Variants in SLC8A1 observed in about 807,000 individuals in gnomAD.
The protein encoded by SLC8A1 is solute carrier family 8 member A1, also known as sodium/calcium exchanger 1.
A neutral mutation model predicts 68.3 loss-of-function variants in SLC8A1; 18 were observed. The observed-to-expected ratio is 0.26, with a 90% CI of 0.18 to 0.39. SLC8A1 has a LOEUF of 0.39. Among genes scored for constraint, SLC8A1 ranks in the 10% least tolerant of loss-of-function variants. The pLI is 1.00. For missense variants in SLC8A1, 985 were observed against 1,156.7 expected (o/e 0.85, Z 2.15); for synonymous variants, 475 against 415.5 (o/e 1.14, Z -1.74).
At chr2:40,106,740 C>A (rs978802645) in exon 8 of SLC8A1, 2 of 152,150 alleles carry the variant, frequency 1.3e-5, no homozygotes, top group African/African-American at 4.8e-5. Context: ...ATGATGTTAT[C>A]CTTTGCTTAG....
At chr2:40,491,360 C>A (rs1247228767) in intron 1 of SLC8A1, among the ~76,000 whole-genome samples, 1 of 152,056 alleles carries the variant, frequency 6.6e-6, no homozygotes, top group Non-Finnish European at 1.5e-5. Context: ...GCTGAAGTTG[C>A]TTATCAGCTT....
intron 1 of SLC8A1, chr2:40,512,205 T>C (rs1166814810): frequency 6.6e-6 from 1 of 150,816 alleles, no homozygotes; most frequent in Non-Finnish European, 1.5e-5. Context: ...TCTTAGTCAC[T>C]AGCTCCAACC....
At chr2:40,099,622 A>C (rs1418703578) in exon 8 of SLC8A1, 1 of 152,006 alleles carries the variant, frequency 6.6e-6, no homozygotes, top group Admixed American at 6.6e-5. Flanking sequence ...TGAATAGGCT[A>C]TTCTTCCCTT....
intron 1 of SLC8A1, among the ~76,000 whole-genome samples, chr2:40,474,846 C>T (rs1704185949): frequency 1.3e-5 from 2 of 152,078 alleles, no homozygotes; most frequent in Admixed American, 1.3e-4. Flanking sequence ...GTTTGTAAGG[C>T]TTTATTTAAC....
At chr2:40,316,478 T>C (rs77113947) in intron 2 of SLC8A1, among the ~76,000 whole-genome samples, 2,596 of 152,112 alleles carry the variant, frequency 0.017, 84 homozygotes, top group African/African-American at 0.06. Flanking sequence ...AAGTTTGGTA[T>C]TAAAAAGTCC....
Position 40,239,244 on chromosome 2 carries a change from A to C in SLC8A1, c.1809-61389T>G, listed in dbSNP as rs142292217. 1.6e-3 allele frequency among the ~76,000 whole-genome samples: 250 copies of C among 152,294 alleles called. 1 individual carries two copies. The highest frequency in any genetic ancestry group is 5.8e-3 in the African/African-American group (240 of 41,568). ...CACAGTACCCCAATTCTAGCTTTTT[A>C]GTGTCTATCTTTAATATTGCCCAAT... On this transcript the variant is annotated intron_variant, in intron 2 of 7. Transcript: ENST00000406785.
intron 1 of SLC8A1, among the ~76,000 whole-genome samples, chr2:40,510,069 G>A (rs1174604222): frequency 6.6e-6 from 1 of 151,982 alleles, no homozygotes; most frequent in Non-Finnish European, 1.5e-5. Flanking sequence ...CTCATGGTCT[G>A]CCCTCCTCAG....
At chr2:40,226,111 T>G (rs1240953778) in intron 2 of SLC8A1, among the ~76,000 whole-genome samples, 1 of 152,146 alleles carries the variant, frequency 6.6e-6, no homozygotes, top group Non-Finnish European at 1.5e-5. Flanking sequence ...ACAGTTGGTT[T>G]TATTGCTTTT....
intron 1 of SLC8A1, among the ~76,000 whole-genome samples, chr2:40,499,149 G>C (rs1045061452): frequency 6.6e-6 from 1 of 151,880 alleles, no homozygotes; most frequent in East Asian, 1.9e-4. Flanking sequence ...ATATATAATC[G>C]TAAGGACTGG....
intron 2 of SLC8A1, among the ~76,000 whole-genome samples, chr2:40,333,777 C>T (rs963628212): frequency 1.3e-5 from 2 of 152,226 alleles, no homozygotes; most frequent in Middle Eastern, 3.4e-3. Context: ...GGGCTGGGCG[C>T]AGTAGCTCAC....
At chr2:40,447,566 G>T (rs1303053795) in intron 1 of SLC8A1, among the ~76,000 whole-genome samples, 3 of 139,934 alleles carry the variant, frequency 2.1e-5, no homozygotes, top group Non-Finnish European at 4.5e-5. Flanking sequence ...TCTGCCAGTT[G>T]ACCTGATAAA....
chr2:40,468,732 C>A (rs71439301), intron 1 of SLC8A1, among the ~76,000 whole-genome samples: 8,061 of 152,070 alleles, frequency 0.053, 482 homozygotes, highest in African/African-American at 0.13. Flanking sequence ...CTGGTGCTCA[C>A]TTTTGTTGCA....
At chr2:40,499,323 T>G (rs1474334568) in intron 1 of SLC8A1, among the ~76,000 whole-genome samples, 2 of 152,100 alleles carry the variant, frequency 1.3e-5, no homozygotes, top group Admixed American at 6.6e-5. Context: ...CATTTTTCTG[T>G]CTCATTTTCC....
chr2:40,422,745 G>A (rs1695859073), intron 2 of SLC8A1, among the ~76,000 whole-genome samples: 1 of 152,030 alleles, frequency 6.6e-6, no homozygotes, highest in African/African-American at 2.4e-5. Flanking sequence ...GAAAAATAAA[G>A]TACTAACAAT....
At chr2:40,483,938 C>G (rs1458992498) in intron 1 of SLC8A1, among the ~76,000 whole-genome samples, 1 of 152,188 alleles carries the variant, frequency 6.6e-6, no homozygotes, top group Admixed American at 6.5e-5. Flanking sequence ...AGAACACTAT[C>G]TAGTTTAGAA....
chr2:40,302,978 G>C (rs577362016), intron 2 of SLC8A1, among the ~76,000 whole-genome samples: 66 of 152,176 alleles, frequency 4.3e-4, no homozygotes, highest in Admixed American at 1.3e-3. Flanking sequence ...AGCAAGCCCT[G>C]GGAGCCCATG....
At chr2:40,129,693 T>C (rs1558462031) in intron 7 of SLC8A1, among the ~76,000 whole-genome samples, 1 of 152,094 alleles carries the variant, frequency 6.6e-6, no homozygotes, top group South Asian at 2.1e-4. Flanking sequence ...AAAGGGAAAT[T>C]TACACTCATT....
At chr2:40,300,863 T>C (rs1470471716) in intron 2 of SLC8A1, among the ~76,000 whole-genome samples, 1 of 152,194 alleles carries the variant, frequency 6.6e-6, no homozygotes, top group Non-Finnish European at 1.5e-5. Context: ...ACCAAATATG[T>C]AGAGCAAAGA....
At chr2:40,166,238 T>C (rs1428695574) in intron 4 of SLC8A1, among the ~76,000 whole-genome samples, 1 of 152,172 alleles carries the variant, frequency 6.6e-6, no homozygotes, top group East Asian at 1.9e-4. Context: ...TTGGCAGCTG[T>C]TGCAGGGAAT....
Sources: allele counts gnomAD v4.1 joint callset (sites outside exome capture counted in the v4.1 genomes callset), GRCh38; gene constraint gnomAD v4.1.1; transcripts MANE v1.5; gene names NCBI Gene and HGNC (gene_info 2026-07-23, HGNC 2026-07-21).